Variants in SLC39A11 observed in about 807,000 individuals in gnomAD.
SLC39A11 encodes solute carrier family 39 member 11.
Under a neutral mutation model 36.1 loss-of-function variants are expected in SLC39A11, and 33 were observed. The observed-to-expected ratio is 0.91, with a 90% CI of 0.69 to 1.22. SLC39A11 has a LOEUF of 1.22. Ranked by LOEUF, SLC39A11 falls within the 50% of genes most tolerant of loss-of-function variation. The pLI, the probability that SLC39A11 is intolerant of heterozygous loss-of-function variation, is 0.00. For synonymous variants in SLC39A11, 166 were observed against 170.3 expected (o/e 0.97, Z 0.20); for missense variants, 432 against 430.3 (o/e 1.00, Z -0.03).
At chr17:72,706,631 A>G (rs2072905669) in intron 7 of SLC39A11, among the ~76,000 whole-genome samples, 1 of 152,228 alleles carries the variant, frequency 6.6e-6, no homozygotes, top group Non-Finnish European at 1.5e-5. Context: ...TGTCAGAAAG[A>G]ATTTAATACC....
At chr17:73,079,838 C>T (rs1419815586) in intron 3 of SLC39A11, among the ~76,000 whole-genome samples, 1 of 152,142 alleles carries the variant, frequency 6.6e-6, no homozygotes, top group African/African-American at 2.4e-5. Flanking sequence ...AGTAGCTCTG[C>T]TATACACCAA....
At chr17:72,992,109 T>C (rs1258114424) in intron 4 of SLC39A11, among the ~76,000 whole-genome samples, 1 of 152,196 alleles carries the variant, frequency 6.6e-6, no homozygotes, top group Non-Finnish European at 1.5e-5. Flanking sequence ...CCCAGCACTT[T>C]GGGAGGCTGA....
chr17:72,905,574 G>T (rs1171044025), intron 5 of SLC39A11, among the ~76,000 whole-genome samples: 2 of 151,622 alleles, frequency 1.3e-5, no homozygotes, highest in Non-Finnish European at 2.9e-5. Flanking sequence ...TCCAGCCTGG[G>T]TGACAGAGCA....
At chr17:72,825,864 C>A (rs535732836) in intron 6 of SLC39A11, among the ~76,000 whole-genome samples, 3 of 152,312 alleles carry the variant, frequency 2.0e-5, no homozygotes, top group African/African-American at 7.2e-5. Flanking sequence ...ATCACTGTAT[C>A]TTAGAAGTAA....
intron 3 of SLC39A11, among the ~76,000 whole-genome samples, chr17:73,081,658 CACACACACACACATAT>C (rs2060519481): frequency 3.5e-5 from 2 of 56,926 alleles, no homozygotes; most frequent in Non-Finnish European, 7.6e-5. Flanking sequence ...CACACACACA[CACACACACACACATAT>C]ATATACACAT....
At chr17:72,780,542 C>T (rs1000421163) in intron 6 of SLC39A11, among the ~76,000 whole-genome samples, 1 of 146,498 alleles carries the variant, frequency 6.8e-6, no homozygotes, top group African/African-American at 2.5e-5. Context: ...GGGGGCACAA[C>T]TGTGTGTCTG....
At chr17:72,965,367 C>A (rs757248592) in intron 4 of SLC39A11, among the ~76,000 whole-genome samples, 1 of 152,182 alleles carries the variant, frequency 6.6e-6, no homozygotes, top group South Asian at 2.1e-4. Flanking sequence ...TGGTTTCTGG[C>A]GTTTCAAGCT....
intron 5 of SLC39A11, among the ~76,000 whole-genome samples, chr17:72,936,324 A>G (rs975607101): frequency 1.3e-5 from 2 of 150,970 alleles, no homozygotes; most frequent in African/African-American, 4.9e-5. Context: ...GGCTTATACT[A>G]ATGAACTAAT....
At position 72,849,658 on chromosome 17, in the gene SLC39A11, C is replaced by A. The variant is rs2079208169; in HGVS notation, c.577G>T (p.Ala193Ser). 2 of 1,584,230 alleles carry A rather than the reference C, an allele frequency of 1.3e-6. No individual in the cohort carries two copies. The highest frequency in any genetic ancestry group is 2.3e-5 in the East Asian group (1 of 44,238). Residue 193 changes from alanine to serine, a missense_variant, in exon 6 of 10, where the codon GCC becomes TCC. Physicochemically the swap from Ala to Ser is moderately conservative, Grantham distance 99. Transcript: ENST00000255559. ...SWRRIALLIL[A>S]ITIHNVPEGL... ...CCTGGAACGTTGTGTATAGTGATGGCCAAGATGAGCAGTGCGATCCTCCTC... is the reference window on the plus strand; with the variant it reads ...CCTGGAACGTTGTGTATAGTGATGGACAAGATGAGCAGTGCGATCCTCCTC...
intron 6 of SLC39A11, among the ~76,000 whole-genome samples, chr17:72,790,291 C>G (rs1057471778): frequency 6.6e-6 from 1 of 152,110 alleles, no homozygotes; most frequent in Non-Finnish European, 1.5e-5. Flanking sequence ...CCTGGTTGCC[C>G]ACAAACAAAC....
At chr17:72,877,916 G>C (rs554385010) in intron 5 of SLC39A11, among the ~76,000 whole-genome samples, 1 of 151,346 alleles carries the variant, frequency 6.6e-6, no homozygotes, top group Non-Finnish European at 1.5e-5. Flanking sequence ...TGTGCTGCAC[G>C]CATTAACTCA....
chr17:72,807,597 G>A (rs555100392), intron 6 of SLC39A11, among the ~76,000 whole-genome samples: 11 of 152,296 alleles, frequency 7.2e-5, no homozygotes, highest in African/African-American at 1.4e-4. Flanking sequence ...ATATTAAGCC[G>A]TCTAAAAACT....
chr17:72,890,342 C>T (rs185481519), intron 5 of SLC39A11, among the ~76,000 whole-genome samples: 2 of 151,068 alleles, frequency 1.3e-5, no homozygotes, highest in African/African-American at 2.4e-5. Context: ...TTGGTATGGT[C>T]CCAGCAAGTT....
At chr17:73,040,998 A>G (rs1478148506) in intron 3 of SLC39A11, among the ~76,000 whole-genome samples, 1 of 140,974 alleles carries the variant, frequency 7.1e-6, no homozygotes, top group Non-Finnish European at 1.5e-5. Flanking sequence ...AAAAAAACAA[A>G]AAACAAAAAA....
chr17:72,947,784 A>G lies in SLC39A11; in HGVS notation c.398T>C (p.Leu133Pro), dbSNP rs113421177. The stretch of plus-strand genomic sequence containing the variant: ...GATGGAAAGTTCACTCTCAGGGAAG[A>G]GCAGCGCGGGACCCTCAGGATCAGA... ...KKSDPEGPAL[L>P]FPESELSIRI... The change falls in exon 5 of 10, where the codon CTC (leucine) becomes CCC (proline). Residue 133 changes from leucine to proline, a missense_variant. Transcript: ENST00000255559. 1 of 1,614,158 alleles carries G rather than the reference A, an allele frequency of 6.2e-7. No individual in the cohort carries two copies. Among genetic ancestry groups the G allele is most frequent in the Non-Finnish European group, 8.5e-7 (1 of 1,180,032 alleles).
chr17:73,033,228 G>A (rs545582430), intron 3 of SLC39A11, among the ~76,000 whole-genome samples: 35 of 152,198 alleles, frequency 2.3e-4, no homozygotes, highest in Admixed American at 5.2e-4. Flanking sequence ...CCTGCTGTGC[G>A]GCCTGGTTCC....
intron 6 of SLC39A11, among the ~76,000 whole-genome samples, chr17:72,845,771 T>A (rs1025691969): frequency 2.6e-5 from 4 of 152,102 alleles, no homozygotes; most frequent in Admixed American, 6.5e-5. Flanking sequence ...GAAAGAAATG[T>A]CCCTTCAAAC....
At chr17:72,788,355 T>G (rs2076587431) in intron 6 of SLC39A11, among the ~76,000 whole-genome samples, 1 of 152,236 alleles carries the variant, frequency 6.6e-6, no homozygotes, top group African/African-American at 2.4e-5. Context: ...TAGTTTTCTC[T>G]GATGATCTTT....
At chr17:72,761,861 A>C (rs1055911478) in intron 6 of SLC39A11, among the ~76,000 whole-genome samples, 4 of 152,218 alleles carry the variant, frequency 2.6e-5, no homozygotes, top group African/African-American at 7.2e-5. Context: ...AAGTGAGAGA[A>C]AGGCATGCAG....
Sources: gnomAD v4.1 joint callset for allele counts (sites outside exome capture counted in the v4.1 genomes callset) on GRCh38, gnomAD v4.1.1 for gene constraint, MANE v1.5 for transcripts, NCBI Gene and HGNC (gene_info 2026-07-23, HGNC 2026-07-21) for gene names.